SLC39A14: variants seen among roughly 807,000 people sequenced by gnomAD.
SLC39A14 encodes metal cation symporter ZIP14.
In SLC39A14, 19 loss-of-function variants were observed where a neutral mutation model predicts 45.5. The ratio of observed to expected loss-of-function variants is 0.42; its 90% CI spans 0.29 to 0.61. The LOEUF is 0.61. SLC39A14 is among the 20% of genes least tolerant of loss of function. SLC39A14 has a pLI of 0.22. For missense variants in SLC39A14, 447 were observed against 616.5 expected, an observed-to-expected ratio of 0.73 and a Z score of 2.91; for synonymous variants, 264 against 251.3, an observed-to-expected ratio of 1.05 and a Z score of -0.48.
intron 1 of SLC39A14, chr8:22,404,384 G>A (rs186076213): frequency 0.02 from 4,188 of 211,678 alleles, 193 homozygotes; most frequent in African/African-American, 0.099. Context: ...CTGAGATTGC[G>A]CCACTGCACT....
At chr8:22,431,077 T>G (rs182365664) in intron 8 of SLC39A14, among the ~76,000 whole-genome samples, 4 of 151,558 alleles carry the variant, frequency 2.6e-5, no homozygotes, top group Non-Finnish European at 4.4e-5. Flanking sequence ...AACCTCTGCC[T>G]CCTGGGTTCA....
intron 1 of SLC39A14, among the ~76,000 whole-genome samples, chr8:22,385,483 T>C (rs1833742627): frequency 6.6e-6 from 1 of 152,172 alleles, no homozygotes; most frequent in Non-Finnish European, 1.5e-5. Context: ...ACGCTTGAAC[T>C]GAGACCTGTT....
chr8:22,412,921 G>A (rs1327435273), intron 4 of SLC39A14, among the ~76,000 whole-genome samples: 1 of 152,104 alleles, frequency 6.6e-6, no homozygotes, highest in African/African-American at 2.4e-5. Flanking sequence ...CTGGGTGACG[G>A]GAGTGAGACT....
At chr8:22,393,330 A>G in intron 1 of SLC39A14, 4 of 739,268 alleles carry the variant, frequency 5.4e-6, no homozygotes, top group Non-Finnish European at 6.6e-6. Flanking sequence ...TGGTTTTCCA[A>G]CTGTGAGATT....
At chr8:22,413,725 T>C (rs1243164928) in intron 4 of SLC39A14, among the ~76,000 whole-genome samples, 1 of 152,164 alleles carries the variant, frequency 6.6e-6, no homozygotes, top group African/African-American at 2.4e-5. Flanking sequence ...ATATACTTCC[T>C]ATGTACCCAC....
chr8:22,416,071 A>C lies in SLC39A14; in HGVS notation c.940-2A>C, dbSNP rs1326527364. ...GGGCCCTGGGGGTGTGCTTTCTCCT[A>C]GGACCTGCAGGCTTCCCAGAGTGCT... On this transcript the variant is annotated splice_acceptor_variant, in intron 6 of 8. Transcript: ENST00000381237. LOFTEE classifies it high-confidence loss of function. The C allele has an allele frequency of 6.2e-7, 1 of 1,613,898 alleles. No individual in the cohort carries two copies. Among genetic ancestry groups the C allele is most frequent in the Non-Finnish European group, 8.5e-7 (1 of 1,179,956 alleles).
chr8:22,431,565 G>A (rs1372326987), intron 8 of SLC39A14, among the ~76,000 whole-genome samples: 1 of 152,134 alleles, frequency 6.6e-6, no homozygotes, highest in Non-Finnish European at 1.5e-5. Context: ...CATTAATCAA[G>A]GTTTAGGAAG....
chr8:22,418,913 G>C (rs952620534), intron 8 of SLC39A14, among the ~76,000 whole-genome samples: 1 of 152,112 alleles, frequency 6.6e-6, no homozygotes, highest in African/African-American at 2.4e-5. Flanking sequence ...GGCACCTGTG[G>C]AGCTACTCAG....
At chr8:22,377,326 G>A (rs1833270543) in intron 1 of SLC39A14, among the ~76,000 whole-genome samples, 1 of 151,852 alleles carries the variant, frequency 6.6e-6, no homozygotes, top group Admixed American at 6.6e-5. Flanking sequence ...AAATATTCCA[G>A]GCTCATCTTG....
intron 8 of SLC39A14, among the ~76,000 whole-genome samples, chr8:22,431,889 A>G (rs1426845910): frequency 6.6e-6 from 1 of 152,250 alleles, no homozygotes; most frequent in Non-Finnish European, 1.5e-5. Context: ...TGTTATGGAA[A>G]ACAATTGTTT....
rs1563534900 is a variant in SLC39A14, at chr8:22,396,592, GAGAGA to G, written c.-15-8103_-15-8099del. On this transcript the variant is annotated intron_variant, in intron 1 of 8. Coordinates refer to ENST00000381237, the MANE Select transcript of SLC39A14 (RefSeq NM_001128431.4). The stretch of plus-strand genomic sequence containing the variant: ...AGAGAGAGAGAGAGAGAGAGAGAGA[GAGAGA>G]GAAGACTAAGTGGAATTTGGAATTG... Among the ~76,000 whole-genome samples the G allele has an allele frequency of 6.4e-5, 6 of 94,220 alleles. 1 individual carries two copies. The highest frequency in any genetic ancestry group is 1.2e-4 in the African/African-American group (3 of 25,990). 61.8% of individuals were successfully genotyped at this position (94,220 alleles called of 152,430 possible). A position where few individuals can be genotyped will look rare whatever the true frequency, so the allele number is the denominator to read the frequency against.
intron 1 of SLC39A14, among the ~76,000 whole-genome samples, chr8:22,379,902 C>T (rs1282620192): frequency 7.1e-6 from 1 of 141,484 alleles, no homozygotes; most frequent in Non-Finnish European, 1.5e-5. Context: ...GCACTCCAGC[C>T]TGGCGACAGA....
intron 2 of SLC39A14, among the ~76,000 whole-genome samples, chr8:22,406,430 A>C (rs925570614): frequency 2.6e-5 from 4 of 152,130 alleles, no homozygotes; most frequent in Admixed American, 2.6e-4. Context: ...GCGGTGGCTG[A>C]CGCCTGTAAC....
intron 1 of SLC39A14, among the ~76,000 whole-genome samples, chr8:22,392,238 C>T (rs1250166875): frequency 1.3e-5 from 2 of 152,134 alleles, no homozygotes; most frequent in Non-Finnish European, 2.9e-5. Flanking sequence ...AGATGGGGAA[C>T]TAGGAAGGTG....
intron 3 of SLC39A14, among the ~76,000 whole-genome samples, chr8:22,410,954 A>G (rs17060845): frequency 0.076 from 11,527 of 152,226 alleles, 1,486 homozygotes; most frequent in African/African-American, 0.26. Context: ...GCTGCTTCTC[A>G]GGCTTTCCCA....
At position 22,420,326 on chromosome 8, in the gene SLC39A14, A is replaced by C; in HGVS notation, c.*628A>C. The C allele has an allele frequency of 1.0e-6, 1 of 985,482 alleles. No homozygotes were observed. The highest frequency in any genetic ancestry group is 4.7e-5 in the South Asian group (1 of 21,292). The allele number at this position is 985,482 out of a possible 1,614,324, so 61.0% of individuals were successfully genotyped here. A position where few individuals can be genotyped will look rare whatever the true frequency, so the allele number is the denominator to read the frequency against. On this transcript the variant is annotated 3_prime_UTR_variant, in exon 9 of 9. Transcript: ENST00000381237. ...TCGAACCACTGCTGTGTGTCTTGTC[A>C]GGATGCTCACTTGTTCCTACTGAGA...
Position 22,419,778 on chromosome 8 carries a change from T to G in SLC39A14, c.*80T>G. ...CAGCCCGAGGACTTACCATCCACAATGCACCACGGAAGAGGCCGTTCTATG... is the reference window on the plus strand; with the variant it reads ...CAGCCCGAGGACTTACCATCCACAAGGCACCACGGAAGAGGCCGTTCTATG... On this transcript the variant is annotated 3_prime_UTR_variant, in exon 9 of 9. Transcript: ENST00000381237. 6.7e-7 allele frequency: 1 copy of G among 1,495,552 alleles called. No individual in the cohort carries two copies. The highest frequency in any genetic ancestry group is 8.9e-7 in the Non-Finnish European group (1 of 1,125,002). 92.6% of individuals were successfully genotyped at this position (1,495,552 alleles called of 1,614,324 possible).
At chr8:22,389,405 G>A (rs1029010035) in intron 1 of SLC39A14, among the ~76,000 whole-genome samples, 7 of 152,036 alleles carry the variant, frequency 4.6e-5, no homozygotes, top group Non-Finnish European at 1.0e-4. Context: ...GGGCGTGAGC[G>A]GGCTTGAGGG....
chr8:22,424,146 A>T (rs1282211554), downstream of SLC39A14, among the ~76,000 whole-genome samples: 1 of 152,100 alleles, frequency 6.6e-6, no homozygotes, highest in Non-Finnish European at 1.5e-5. Flanking sequence ...TGATAGAAGA[A>T]TTGTGGTGTT....
Sources: gnomAD v4.1 joint callset for allele counts (sites outside exome capture counted in the v4.1 genomes callset) on GRCh38, gnomAD v4.1.1 for gene constraint, MANE v1.5 for transcripts, NCBI Gene and HGNC (gene_info 2026-07-23, HGNC 2026-07-21) for gene names.